Variants in ADGRL3 observed in about 807,000 individuals in gnomAD.
ADGRL3 encodes the protein calcium-independent alpha-latrotoxin receptor 3.
In ADGRL3, 62 loss-of-function variants were observed where a neutral mutation model predicts 153.5. The ratio of observed to expected loss-of-function variants is 0.40; its 90% CI spans 0.33 to 0.50. The LOEUF (loss-of-function observed/expected upper bound fraction) is 0.50. ADGRL3 is among the 20% of genes least tolerant of loss of function. The probability of loss-of-function intolerance (pLI) is 0.47; values close to 1 mark genes in which losing one functional copy is unlikely to be tolerated. For missense variants in ADGRL3, 1,641 were observed against 1,859.4 expected (o/e 0.88, Z 2.16); for synonymous variants, 710 against 672.5 (o/e 1.06, Z -0.86).
chr4:61,349,955 A>G (rs2096006680), intron 1 of ADGRL3, among the ~76,000 whole-genome samples: 1 of 152,188 alleles, frequency 6.6e-6, no homozygotes, highest in Admixed American at 6.6e-5. Flanking sequence ...TAATTCTTTT[A>G]TTTATTCTAC....
At chr4:61,838,095 C>G (rs1228044708) in intron 9 of ADGRL3, among the ~76,000 whole-genome samples, 5 of 152,062 alleles carry the variant, frequency 3.3e-5, no homozygotes, top group African/African-American at 1.2e-4. Context: ...ATGAAACTCT[C>G]TTTACCATGA....
intron 8 of ADGRL3, among the ~76,000 whole-genome samples, chr4:61,755,374 G>A (rs1329397610): frequency 2.6e-5 from 4 of 152,186 alleles, no homozygotes; most frequent in Admixed American, 1.3e-4. Context: ...GGCCAGTGAT[G>A]ATGAGCATTT....
chr4:61,756,272 G>C (rs145511256), intron 8 of ADGRL3, among the ~76,000 whole-genome samples: 12,958 of 151,958 alleles, frequency 0.085, 1,083 homozygotes, highest in African/African-American at 0.23. Flanking sequence ...TCTTCCATTT[G>C]ATTGTATTCT....
intron 2 of ADGRL3, among the ~76,000 whole-genome samples, chr4:61,431,710 A>T (rs2097357873): frequency 6.6e-6 from 1 of 152,182 alleles, no homozygotes; most frequent in South Asian, 2.1e-4. Context: ...TATTAAATCT[A>T]CCTCAGAAAG....
intron 3 of ADGRL3, among the ~76,000 whole-genome samples, chr4:61,511,301 G>A (rs2098462598): frequency 6.6e-6 from 1 of 152,138 alleles, no homozygotes; most frequent in Admixed American, 6.5e-5. Flanking sequence ...CCCAGGAAGC[G>A]GAGGTTACAG....
At chr4:61,549,437 A>G (rs918467765) in intron 4 of ADGRL3, among the ~76,000 whole-genome samples, 1 of 151,818 alleles carries the variant, frequency 6.6e-6, no homozygotes, top group African/African-American at 2.4e-5. Context: ...CCAACTTTGC[A>G]TTAATTATTT....
At chr4:61,856,600 C>CTT (rs2098269618) in intron 9 of ADGRL3, among the ~76,000 whole-genome samples, 6 of 23,496 alleles carry the variant, frequency 2.6e-4, no homozygotes, top group African/African-American at 5.9e-4. Flanking sequence ...CTCTCTCTCT[C>CTT]TCTCTTTTTT....
intron 9 of ADGRL3, among the ~76,000 whole-genome samples, chr4:61,870,244 C>T (rs1424042248): frequency 6.6e-6 from 1 of 151,990 alleles, no homozygotes; most frequent in African/African-American, 2.4e-5. Flanking sequence ...GGTTTTAAGA[C>T]AACTGGATAT....
intron 2 of ADGRL3, chr4:61,385,462 C>G (rs1256413597): frequency 6.6e-6 from 1 of 152,148 alleles, no homozygotes; most frequent in Non-Finnish European, 1.5e-5. Flanking sequence ...CTTTCACAAA[C>G]TAGTGTGTGG....
At chr4:61,647,754 G>A (rs912085821) in intron 5 of ADGRL3, among the ~76,000 whole-genome samples, 2 of 150,870 alleles carry the variant, frequency 1.3e-5, no homozygotes, top group African/African-American at 5.0e-5. Context: ...ACTTTTTATT[G>A]TATAGGAGTA....
chr4:61,500,593 C>T (rs577306273), intron 3 of ADGRL3, among the ~76,000 whole-genome samples: 3 of 152,252 alleles, frequency 2.0e-5, no homozygotes, highest in South Asian at 2.1e-4. Flanking sequence ...CCTCTGCTGA[C>T]GTCTCCTTGC....
At chr4:61,493,047 C>G (rs553090502) in intron 2 of ADGRL3, among the ~76,000 whole-genome samples, 16 of 152,136 alleles carry the variant, frequency 1.1e-4, no homozygotes, top group Admixed American at 9.8e-4. Flanking sequence ...GACAACACTT[C>G]AATGGAAAAA....
At chr4:61,589,388 A>G (rs1280146072) in intron 5 of ADGRL3, among the ~76,000 whole-genome samples, 1 of 152,110 alleles carries the variant, frequency 6.6e-6, no homozygotes, top group African/African-American at 2.4e-5. Flanking sequence ...TGTCGTGGCC[A>G]TTTAAGCTGC....
At chr4:61,756,742 T>G (rs1466585661) in intron 8 of ADGRL3, among the ~76,000 whole-genome samples, 1 of 152,200 alleles carries the variant, frequency 6.6e-6, no homozygotes, top group Non-Finnish European at 1.5e-5. Flanking sequence ...TTCAGTATGA[T>G]ATTGGCTGTG....
chr4:62,057,511 G>T (rs554210032), intron 25 of ADGRL3, among the ~76,000 whole-genome samples: 57 of 152,068 alleles, frequency 3.7e-4, no homozygotes, highest in African/African-American at 1.3e-3. Flanking sequence ...GTGGCTTTAG[G>T]ATCTGACTTT....
At chr4:62,028,678 A>G (rs1720262587) in intron 21 of ADGRL3, among the ~76,000 whole-genome samples, 177 bp from the exon 22 acceptor site, 1 of 151,772 alleles carries the variant, frequency 6.6e-6, no homozygotes, top group South Asian at 2.1e-4. Context: ...ATTTCTTGTT[A>G]TTTAAGTTCT....
intron 2 of ADGRL3, among the ~76,000 whole-genome samples, chr4:61,468,555 T>C (rs2097911009): frequency 6.6e-6 from 1 of 152,040 alleles, no homozygotes; most frequent in Non-Finnish European, 1.5e-5. Context: ...CTCAAACGAG[T>C]TAAAAATTCT....
At chr4:61,220,234 G>A (rs1313772343) in intron 1 of ADGRL3, among the ~76,000 whole-genome samples, 5 of 151,942 alleles carry the variant, frequency 3.3e-5, no homozygotes, top group Admixed American at 3.3e-4. Flanking sequence ...TTTTTTCGAA[G>A]GTAGGGGCTT....
rs10693257 is a variant in ADGRL3 at position 61,346,308 on chromosome 4, TACACACAC to T, written c.-239-36788_-239-36781del. Among the ~76,000 whole-genome samples the T allele has an allele frequency of 3.0e-4, 43 of 144,636 alleles. 1 individual carries two copies. Among genetic ancestry groups the T allele is most frequent in the Admixed American group, 1.4e-3 (20 of 14,236 alleles). The allele number at this position is 144,636 out of a possible 152,430, so 94.9% of individuals were successfully genotyped here. On this transcript the variant is annotated intron_variant, in intron 1 of 26. Transcript: ENST00000683033. ...CTCTCTGTCTCTCTCTGTCACAGTC[TACACACAC>T]ACACACACACACACACACACACACA...
Sources: gnomAD v4.1 joint callset for allele counts (sites outside exome capture counted in the v4.1 genomes callset) on GRCh38, gnomAD v4.1.1 for gene constraint, MANE v1.5 for transcripts, NCBI Gene and HGNC (gene_info 2026-07-23, HGNC 2026-07-21) for gene names.